JPH1: variants seen among roughly 807,000 people sequenced by gnomAD.
JPH1 encodes junctophilin 1.
Under a neutral mutation model 53.6 loss-of-function variants are expected in JPH1, and 12 were observed. The ratio of observed to expected loss-of-function variants is 0.22; its 90% CI spans 0.14 to 0.36. The LOEUF (loss-of-function observed/expected upper bound fraction) is 0.36, where lower values mean the gene tolerates loss of function less well. Ranked by LOEUF, JPH1 falls within the 10% of genes least tolerant of loss-of-function variation. The pLI is 1.00. For missense variants in JPH1, 808 were observed against 905.5 expected (o/e 0.89, Z 1.38); for synonymous variants, 375 against 363.8 (o/e 1.03, Z -0.35).
At chr8:74,268,920 T>C (rs1806617140) in intron 2 of JPH1, among the ~76,000 whole-genome samples, 1 of 152,170 alleles carries the variant, frequency 6.6e-6, no homozygotes, top group Non-Finnish European at 1.5e-5. Flanking sequence ...CAAATGCCCA[T>C]TAAATGCACA....
intron 4 of JPH1, among the ~76,000 whole-genome samples, chr8:74,239,771 A>C (rs1478767561): frequency 6.6e-6 from 1 of 152,136 alleles, no homozygotes; most frequent in Admixed American, 6.5e-5. Flanking sequence ...TGCAATGAGA[A>C]TTTCCTTTGA....
At chr8:74,304,478 T>C (rs1807776297) in intron 2 of JPH1, among the ~76,000 whole-genome samples, 1 of 152,204 alleles carries the variant, frequency 6.6e-6, no homozygotes. Flanking sequence ...GTAAGCCCCA[T>C]CATCTGAGGC....
At chr8:74,262,362 G>C (rs1020436403) in intron 2 of JPH1, among the ~76,000 whole-genome samples, 1 of 152,126 alleles carries the variant, frequency 6.6e-6, no homozygotes, top group African/African-American at 2.4e-5. Context: ...AGTGACACAC[G>C]ACCCCTGTAA....
intron 3 of JPH1, among the ~76,000 whole-genome samples, chr8:74,248,335 A>G (rs1805925276): frequency 6.6e-6 from 1 of 152,248 alleles, no homozygotes; most frequent in South Asian, 2.1e-4. Context: ...CATTCAAAAA[A>G]TATCTGGGTA....
At chr8:74,298,481 T>C (rs138488485) in intron 2 of JPH1, among the ~76,000 whole-genome samples, 57 of 152,348 alleles carry the variant, frequency 3.7e-4, no homozygotes, top group Non-Finnish European at 6.9e-4. Flanking sequence ...TCACATGTTG[T>C]TTTGCTCCTG....
chr8:74,272,384 T>G (rs1806724459), intron 2 of JPH1, among the ~76,000 whole-genome samples: 1 of 152,094 alleles, frequency 6.6e-6, no homozygotes, highest in Non-Finnish European at 1.5e-5. Context: ...CTCCAACCCC[T>G]CTGTAATGCT....
intron 2 of JPH1, among the ~76,000 whole-genome samples, chr8:74,260,595 G>C (rs924783484): frequency 2.0e-5 from 3 of 147,316 alleles, no homozygotes; most frequent in Admixed American, 2.0e-4. Flanking sequence ...ACTTATGTTG[G>C]AGACAGCAGG....
chr8:74,293,913 AC>A (rs1807416770), intron 2 of JPH1, among the ~76,000 whole-genome samples: 1 of 151,862 alleles, frequency 6.6e-6, no homozygotes, highest in Admixed American at 6.6e-5. Flanking sequence ...ATTGACACCA[AC>A]CTCCCACTCA....
intron 2 of JPH1, among the ~76,000 whole-genome samples, chr8:74,275,991 T>C (rs1220541185): frequency 6.6e-6 from 1 of 152,226 alleles, no homozygotes; most frequent in Non-Finnish European, 1.5e-5. Flanking sequence ...TTTGATTATA[T>C]TGTATGCTTC....
chr8:74,250,657 T>C (rs1352511999), intron 3 of JPH1, among the ~76,000 whole-genome samples: 1 of 152,218 alleles, frequency 6.6e-6, no homozygotes, highest in African/African-American at 2.4e-5. Flanking sequence ...TTAGTGTTAG[T>C]GCATTTTATG....
At position 74,315,438 on chromosome 8, in the gene JPH1, C is replaced by T; in HGVS notation, c.562G>A (p.Gly188Ser). ...TTGAGCACGAAACCGCCGCGGGTGC[C>T]GGCCGGGCTGTCGGCGGCGGCTGCG... ...DAAAAADSPA[G>S]TRGGFVLNFH... Residue 188 changes from glycine (G) to serine (S), a missense_variant, in exon 2 of 6, where the codon GGC (glycine) becomes AGC (serine). Physicochemically the swap from Gly to Ser is moderately conservative, Grantham distance 56. Transcript: ENST00000342232. The surrounding 1 kb of genome is among the most constrained non-coding windows in gnomAD (Gnocchi z 6.3). 4.3e-6 allele frequency: 7 copies of T among 1,610,882 alleles called. No homozygotes were observed. Among genetic ancestry groups the T allele is most frequent in the Non-Finnish European group, 5.9e-6 (7 of 1,179,104 alleles).
intron 2 of JPH1, among the ~76,000 whole-genome samples, chr8:74,279,122 A>C (rs1345002975): frequency 6.6e-6 from 1 of 152,132 alleles, no homozygotes; most frequent in Non-Finnish European, 1.5e-5. Flanking sequence ...CCTATTTCTG[A>C]TTCAGTATCT....
At chr8:74,250,994 A>G (rs920850426) in intron 3 of JPH1, among the ~76,000 whole-genome samples, 1 of 152,212 alleles carries the variant, frequency 6.6e-6, no homozygotes, top group Non-Finnish European at 1.5e-5. Context: ...GTTACTGGTG[A>G]ACATGGAATC....
intron 2 of JPH1, among the ~76,000 whole-genome samples, chr8:74,302,970 A>AAAAAACAGTCCAACAG (rs1272170661): frequency 2.6e-5 from 4 of 152,088 alleles, no homozygotes; most frequent in Non-Finnish European, 5.9e-5. Context: ...AAAAAAAAAA[A>AAAAAACAGTCCAACAG]AAAAAACAGT....
intron 4 of JPH1, 33 bp downstream of exon 4, chr8:74,244,492 GAAGA>G: frequency 1.3e-6 from 2 of 1,551,072 alleles, no homozygotes; most frequent in Non-Finnish European, 1.7e-6. Flanking sequence ...GAAACAAAGG[GAAGA>G]AAGAAAGAGA....
chr8:74,291,085 A>T (rs1371236160), intron 2 of JPH1, among the ~76,000 whole-genome samples: 4 of 152,078 alleles, frequency 2.6e-5, no homozygotes, highest in African/African-American at 9.7e-5. Flanking sequence ...GGACTTCATG[A>T]CTAAAACACC....
At chr8:74,249,743 T>G (rs1403666169) in intron 3 of JPH1, among the ~76,000 whole-genome samples, 1 of 152,220 alleles carries the variant, frequency 6.6e-6, no homozygotes, top group African/African-American at 2.4e-5. Flanking sequence ...ACCAAATCCA[T>G]GACATATTAA....
chr8:74,303,935 T>C (rs1156614371), intron 2 of JPH1, among the ~76,000 whole-genome samples: 2 of 151,532 alleles, frequency 1.3e-5, no homozygotes, highest in African/African-American at 4.8e-5. Flanking sequence ...CCTCCTCATC[T>C]CTCAACACCC....
intron 2 of JPH1, among the ~76,000 whole-genome samples, chr8:74,311,650 C>G (rs2131460771): frequency 7.8e-6 from 1 of 128,800 alleles, no homozygotes; most frequent in African/African-American, 2.9e-5. Flanking sequence ...TTAGGTATAT[C>G]TCCCAATGCT....
Sources: gnomAD v4.1 joint callset for allele counts (sites outside exome capture counted in the v4.1 genomes callset) on GRCh38, gnomAD v4.1.1 for gene constraint, Gnocchi (gnomAD v3.1) non-coding constraint, MANE v1.5 for transcripts, NCBI Gene and HGNC (gene_info 2026-07-23, HGNC 2026-07-21) for gene names.